TANGO6: variants seen among roughly 807,000 people sequenced by gnomAD.
TANGO6 encodes the protein transport and golgi organization 6 homolog.
A neutral mutation model predicts 114.2 loss-of-function variants in TANGO6; 90 were observed. The ratio of observed to expected loss-of-function variants is 0.79; its 90% CI spans 0.66 to 0.94. The LOEUF (loss-of-function observed/expected upper bound fraction) is 0.94. Ranked by LOEUF, TANGO6 falls within the 40% of genes least tolerant of loss-of-function variation. The probability of loss-of-function intolerance (pLI) is 0.00; values close to 1 mark genes in which losing one functional copy is unlikely to be tolerated. For missense variants in TANGO6, 1,274 were observed against 1,315.3 expected, an observed-to-expected ratio of 0.97 and a Z score of 0.49; for synonymous variants, 477 against 509.8, an observed-to-expected ratio of 0.94 and a Z score of 0.87.
chr16:68,905,905 G>A (rs1000529441), intron 9 of TANGO6, among the ~76,000 whole-genome samples: 12 of 152,048 alleles, frequency 7.9e-5, no homozygotes, highest in Non-Finnish European at 1.5e-4. Flanking sequence ...AAAAATGGCC[G>A]AGCACAGTGG....
At chr16:69,014,740 T>TTG (rs1316664256) in intron 15 of TANGO6, among the ~76,000 whole-genome samples, 2 of 151,126 alleles carry the variant, frequency 1.3e-5, no homozygotes, top group Non-Finnish European at 3.0e-5. Flanking sequence ...GTAAAAAAAA[T>TTG]TGTAACCAGC....
At chr16:68,868,933 T>G (rs1347037987) in intron 4 of TANGO6, among the ~76,000 whole-genome samples, 2 of 152,220 alleles carry the variant, frequency 1.3e-5, no homozygotes, top group African/African-American at 2.4e-5. Context: ...ACATTTTTAT[T>G]TTCACATCTC....
chr16:69,033,079 G>A (rs571911551), intron 16 of TANGO6, among the ~76,000 whole-genome samples: 5 of 151,742 alleles, frequency 3.3e-5, no homozygotes, highest in Admixed American at 6.6e-5. Context: ...CCAGCTACTC[G>A]GGAGGCTGAG....
intron 14 of TANGO6, among the ~76,000 whole-genome samples, chr16:68,940,867 A>G (rs1402431367): frequency 6.6e-6 from 1 of 152,260 alleles, no homozygotes; most frequent in East Asian, 1.9e-4. Flanking sequence ...ACATTGAAAA[A>G]TAAAATATTT....
rs924832613 is a variant in TANGO6 at position 68,855,988 on chromosome 16, A to T, written c.95-3896A>T. On this transcript the variant is annotated intron_variant, in intron 1 of 17. Coordinates refer to ENST00000261778, the MANE Select transcript of TANGO6 (RefSeq NM_024562.2). ...TTTGTTTTATTGCTTGTATTCTGTG[A>T]ACTTGCTAAATTAATTTATTAGTTC... 4.6e-5 allele frequency among the ~76,000 whole-genome samples: 7 copies of T among 151,944 alleles called. 1 individual carries two copies. Among genetic ancestry groups the T allele is most frequent in the Admixed American group, 4.6e-4 (7 of 15,258 alleles).
In TANGO6 at chr16:69,028,241, G is replaced by A. The variant is rs542896660; in HGVS notation, c.2994+5262G>A. Reference sequence around the variant, plus strand: ...CTCCCAAAGTGCTGGGATTATAGGCGTGAGCCACCGCTCCCGGCCCTCCAA... The same window carrying A: ...CTCCCAAAGTGCTGGGATTATAGGCATGAGCCACCGCTCCCGGCCCTCCAA... On this transcript the variant is annotated intron_variant, in intron 16 of 17. Transcript: ENST00000261778. Among the ~76,000 whole-genome samples, 189 of 152,226 alleles carry A rather than the reference G, an allele frequency of 1.2e-3. 1 individual carries two copies. Among genetic ancestry groups the A allele is most frequent in the Middle Eastern group, 0.01 (3 of 294 alleles).
chr16:69,003,468 C>G (rs1482343077), intron 15 of TANGO6, among the ~76,000 whole-genome samples: 1 of 152,142 alleles, frequency 6.6e-6, no homozygotes, highest in African/African-American at 2.4e-5. Context: ...TTGTTTTTCC[C>G]AGGAGTCTAG....
chr16:68,856,998 A>C (rs1962005965), intron 1 of TANGO6, among the ~76,000 whole-genome samples: 1 of 152,208 alleles, frequency 6.6e-6, no homozygotes, highest in Non-Finnish European at 1.5e-5. Context: ...AGTCCCAGCT[A>C]CTCAGGAGGC....
intron 7 of TANGO6, among the ~76,000 whole-genome samples, chr16:68,895,034 A>G (rs952298325): frequency 9.9e-5 from 15 of 152,140 alleles, no homozygotes; most frequent in African/African-American, 2.4e-4. Context: ...TGCTTCTTTG[A>G]GCCTCAGTTT....
At chr16:69,079,572 A>C (rs947986690) in intron 17 of TANGO6, among the ~76,000 whole-genome samples, 2 of 147,334 alleles carry the variant, frequency 1.4e-5, no homozygotes, top group African/African-American at 5.1e-5. Context: ...CAGATAATGG[A>C]CTTAAAAAAA....
At position 68,992,381 on chromosome 16, in the gene TANGO6, C is replaced by G. The variant is rs192009796; in HGVS notation, c.2842+18213C>G. On this transcript the variant is annotated intron_variant, in intron 15 of 17. Transcript: ENST00000261778. Reference sequence around the variant, plus strand: ...GTTATATAACTTCTTTGTTCCTTATCTGTAAAGTGGGGATAATTCTATTAA... The same window carrying G: ...GTTATATAACTTCTTTGTTCCTTATGTGTAAAGTGGGGATAATTCTATTAA... Among the ~76,000 whole-genome samples, 567 of 152,220 alleles carry G rather than the reference C, an allele frequency of 3.7e-3. 3 individuals carry two copies. The highest frequency in any genetic ancestry group is 0.017 in the Middle Eastern group (5 of 294).
intron 15 of TANGO6, among the ~76,000 whole-genome samples, chr16:68,988,428 TG>T (rs750345070): frequency 2.6e-5 from 4 of 152,234 alleles, no homozygotes; most frequent in Non-Finnish European, 2.9e-5. Context: ...CTCTCAAGTT[TG>T]GAGTCCCCCA....
At chr16:68,900,837 A>G (rs186497103) in intron 8 of TANGO6, among the ~76,000 whole-genome samples, 107 of 152,328 alleles carry the variant, frequency 7.0e-4, no homozygotes, top group Non-Finnish European at 1.1e-3. Flanking sequence ...GATCAGTGAG[A>G]AATACTGCAA....
At chr16:68,891,860 AG>A (rs1962626285) in intron 7 of TANGO6, among the ~76,000 whole-genome samples, 3 of 34,900 alleles carry the variant, frequency 8.6e-5, no homozygotes, top group Non-Finnish European at 1.6e-4. Flanking sequence ...GGAAAGGGGG[AG>A]GGAGGGAGGG....
At chr16:69,015,972 C>T (rs570669724) in intron 15 of TANGO6, among the ~76,000 whole-genome samples, 3 of 152,292 alleles carry the variant, frequency 2.0e-5, no homozygotes, top group African/African-American at 7.2e-5. Context: ...CTTCACTTTT[C>T]CACCAGGCCC....
intron 1 of TANGO6, among the ~76,000 whole-genome samples, chr16:68,858,683 A>G (rs993412437): frequency 4.0e-5 from 6 of 151,682 alleles, no homozygotes; most frequent in South Asian, 2.1e-4. Flanking sequence ...GGCTCTCCCT[A>G]CATTGCCCAG....
intron 17 of TANGO6, among the ~76,000 whole-genome samples, chr16:69,057,009 T>C (rs1334078627): frequency 7.6e-6 from 1 of 132,040 alleles, no homozygotes; most frequent in Non-Finnish European, 1.6e-5. Flanking sequence ...TTTTTTTTTT[T>C]TTTTTTTTTT....
At chr16:69,023,565 GA>G (rs1567560658) in intron 16 of TANGO6, among the ~76,000 whole-genome samples, 2 of 152,120 alleles carry the variant, frequency 1.3e-5, no homozygotes, top group Non-Finnish European at 1.5e-5. Flanking sequence ...CATAGAGTCT[GA>G]TGTAACTAAC....
chr16:68,962,127 G>A (rs537370320), intron 14 of TANGO6, among the ~76,000 whole-genome samples: 2 of 152,314 alleles, frequency 1.3e-5, no homozygotes, highest in Admixed American at 1.3e-4. Context: ...CAGCTATTCA[G>A]TTGAGTTCCC....
Sources: allele counts gnomAD v4.1 joint callset (sites outside exome capture counted in the v4.1 genomes callset), GRCh38; gene constraint gnomAD v4.1.1; transcripts MANE v1.5; gene names NCBI Gene and HGNC (gene_info 2026-07-23, HGNC 2026-07-21).